The following DUOX1 variants were observed in gnomAD, a reference collection of about 807,000 sequenced individuals.
DUOX1 encodes the protein NADPH thyroid oxidase 1.
In DUOX1, 134 loss-of-function variants were observed where a neutral mutation model predicts 181.8. That is an observed-to-expected ratio of 0.74 (90% CI 0.64 to 0.85). DUOX1 has a LOEUF of 0.85. Among genes scored for constraint, DUOX1 ranks in the 40% least tolerant of loss-of-function variants. DUOX1 has a pLI of 0.00. For synonymous variants in DUOX1, 798 were observed against 832.5 expected (o/e 0.96, Z 0.71); for missense variants, 1,814 against 2,064.4 (o/e 0.88, Z 2.35).
chr15:45,142,789 G>GGAAGGCAGGAAGGAAGGAAGGAAGGA (rs1480496555), intron 15 of DUOX1, among the ~76,000 whole-genome samples: 1 of 139,762 alleles, frequency 7.2e-6, no homozygotes, highest in African/African-American at 2.7e-5. Context: ...GGAAGGAAGG[G>GGAAGGCAGGAAGGAAGGAAGGAAGGA]AGGGAGGAAG....
rs1299096834 is a variant in DUOX1 at position 45,136,591 on chromosome 15, C to T, written c.988C>T (p.Leu330=). Residue 330 remains leucine, a synonymous_variant, in exon 9 of 34, where the codon CTG becomes TTG. Coordinates refer to ENST00000389037, the MANE Select transcript of DUOX1 (RefSeq NM_175940.3). ...SEFVAASEQF[L]STMVPPGVYM... is the part of the protein sequence containing the mutation. The stretch of plus-strand genomic sequence containing the variant: ...GTTCGTGGCGGCCTCTGAGCAGTTC[C>T]TGTCCACCATGGTGCCCCCTGGCGT... The T allele has an allele frequency of 6.2e-7, 1 of 1,614,126 alleles. No homozygotes were observed. The highest frequency in any genetic ancestry group is 8.5e-7 in the Non-Finnish European group (1 of 1,180,042).
At position 45,139,502 on chromosome 15, in the gene DUOX1, G is replaced by T. The variant is rs1896435127; in HGVS notation, c.1292G>T (p.Gly431Val). 1 of 1,613,562 alleles carries T rather than the reference G, an allele frequency of 6.2e-7. No individual in the cohort carries two copies. The highest frequency in any genetic ancestry group is 8.5e-7 in the Non-Finnish European group (1 of 1,179,898). Reference sequence around the variant, plus strand: ...TGCCTGCAGCGGGGCCGGGATCTGGGCCTGCCCTCTTACACCAAGGCCAGG... The same window carrying T: ...TGCCTGCAGCGGGGCCGGGATCTGGTCCTGCCCTCTTACACCAAGGCCAGG... ...ASCLQRGRDL[G>V]LPSYTKARAA... Residue 431 changes from glycine (G) to valine (V), a missense_variant, in exon 12 of 34, where the codon GGC (glycine) becomes GTC (valine). By Grantham distance (109) the Gly-to-Val change is moderately radical. Around this residue, in one of 5 missense-constraint regions of DUOX1, gnomAD observed 1,064 missense variants for 1,152.9 expected, o/e 0.92. Coordinates refer to ENST00000389037, the MANE Select transcript of DUOX1 (RefSeq NM_175940.3).
intron 1 of DUOX1, 47 bp downstream of exon 1, chr15:45,130,145 G>T (rs540222696): frequency 5.2e-4 from 80 of 152,448 alleles, no homozygotes; most frequent in African/African-American, 1.8e-3. Flanking sequence ...TGGGCGCTCC[G>T]GGGGAGGGAG....
At chr15:45,158,631 G>A (rs758420421) in intron 28 of DUOX1, among the ~76,000 whole-genome samples, 30 of 150,140 alleles carry the variant, frequency 2.0e-4, no homozygotes, top group Admixed American at 3.3e-4. Flanking sequence ...GAACCAGGGA[G>A]GTGGAGGTTG....
Position 45,139,450 on chromosome 15 carries a change from T to C in DUOX1, c.1240T>C (p.Phe414Leu). The C allele has an allele frequency of 1.9e-6, 3 of 1,612,430 alleles. No individual in the cohort carries two copies. The highest frequency in any genetic ancestry group is 2.5e-6 in the Non-Finnish European group (3 of 1,179,576). ...VRDFWPGPLKFSRTDHLASCL... is the reference protein window; with the variant it reads ...VRDFWPGPLKLSRTDHLASCL... ...AGATTTCTGGCCTGGGCCACTGAAG[T>C]TTTCCCGCACAGACCACCTGGCCAG... is the stretch of plus-strand genomic sequence containing the variant. Residue 414 changes from phenylalanine (F) to leucine (L), a missense_variant, in exon 12 of 34, where the codon TTT (phenylalanine) becomes CTT (leucine). By Grantham distance (22) the Phe-to-Leu change is conservative. This residue lies in a region of DUOX1 where 1,064 missense variants were observed against 1,152.9 expected (regional missense o/e 0.92). Transcript: ENST00000389037.
intron 22 of DUOX1, 21 bp downstream of exon 22, chr15:45,150,722 G>A: frequency 1.2e-6 from 2 of 1,613,020 alleles, no homozygotes; most frequent in South Asian, 1.1e-5. Flanking sequence ...ATCTGGGAAT[G>A]TCGGGGGGAG....
At chr15:45,139,200 A>T (rs750631604) in intron 11 of DUOX1, 32 bp downstream of exon 11, 14 of 1,613,730 alleles carry the variant, frequency 8.7e-6, no homozygotes, top group Admixed American at 6.7e-5. Context: ...CAGGTTGTGA[A>T]CTCCTGGCCT....
chr15:45,165,064 A>G lies in DUOX1; in HGVS notation c.*163A>G. 1 of 697,858 alleles carries G rather than the reference A, an allele frequency of 1.4e-6. No individual in the cohort carries two copies. 43.2% of individuals were successfully genotyped at this position (697,858 alleles called of 1,614,324 possible). On this transcript the variant is annotated 3_prime_UTR_variant, in exon 34 of 34. Coordinates refer to ENST00000389037, the MANE Select transcript of DUOX1 (RefSeq NM_175940.3). ...TCAGTCACCATGTGTGGGCTCAGGG[A>G]CCCCCAGGACCAGGATGTGTCTCAG...
chr15:45,155,884 G>A lies in DUOX1; in HGVS notation c.3657G>A (p.Arg1219=), dbSNP rs1192226086. 2.5e-6 allele frequency: 4 copies of A among 1,613,998 alleles called. No individual in the cohort carries two copies. The highest frequency in any genetic ancestry group is 3.4e-6 in the Non-Finnish European group (4 of 1,180,022). The change falls in exon 28 of 34, where the codon CGG becomes CGA. Residue 1219 remains arginine, a synonymous_variant. Coordinates refer to ENST00000389037, the MANE Select transcript of DUOX1 (RefSeq NM_175940.3). ...ASHHFRRRSF[R]GFWLTHHLYI... ...ACCACTTCCGCCGCCGCAGTTTCCG[G>A]GGCTTCTGGCTGACCCACCACCTCT...
At position 45,145,043 on chromosome 15, in the gene DUOX1, A is replaced by G. The variant is rs1896613598; in HGVS notation, c.2285A>G (p.His762Arg). 1.2e-6 allele frequency: 2 copies of G among 1,612,018 alleles called. No homozygotes were observed. Among genetic ancestry groups the G allele is most frequent in the African/African-American group, 2.7e-5 (2 of 74,748 alleles). ...GCTGTGACACGGGAGCAGCGGAGGC[A>G]CCTCCTGGAGACCTTTTTCAGGCAC... Reference protein sequence around the residue: ...RAAVTREQRRHLLETFFRHLF... With the variant: ...RAAVTREQRRRLLETFFRHLF... Residue 762 changes from histidine (H) to arginine (R), a missense_variant, in exon 18 of 34, where the codon CAC (histidine) becomes CGC (arginine). By Grantham distance (29) the His-to-Arg change is conservative. Around this residue, in one of 5 missense-constraint regions of DUOX1, gnomAD observed 1,064 missense variants for 1,152.9 expected, o/e 0.92. Coordinates refer to ENST00000389037, the MANE Select transcript of DUOX1 (RefSeq NM_175940.3).
At chr15:45,163,747 A>T (rs1258089713) in intron 32 of DUOX1, 43 bp from the exon 33 acceptor site, 4 of 1,613,494 alleles carry the variant, frequency 2.5e-6, no homozygotes, top group Non-Finnish European at 3.4e-6. Context: ...AATTGACCCT[A>T]GCTGTGCCTG....
Position 45,163,651 on chromosome 15 carries a change from G to C in DUOX1, c.4368G>C (p.Gln1456His). 6.2e-7 allele frequency: 1 copy of C among 1,614,140 alleles called. No homozygotes were observed. The highest frequency in any genetic ancestry group is 8.5e-7 in the Non-Finnish European group (1 of 1,180,018). The stretch of plus-strand genomic sequence containing the variant: ...TGTCTGTGCACATCTACATCACCCA[G>C]CTGGCTGAGAAGTTCGACCTCAGGA... ...DLVSVHIYIT[Q>H]LAEKFDLRTT... Residue 1456 changes from glutamine to histidine, a missense_variant, in exon 32 of 34, where the codon CAG becomes CAC. Physicochemically the swap from Gln to His is conservative, Grantham distance 24. Coordinates refer to ENST00000389037, the MANE Select transcript of DUOX1 (RefSeq NM_175940.3).
At chr15:45,141,481 C>A in intron 14 of DUOX1, 71 bp downstream of exon 14, 1 of 1,484,884 alleles carries the variant, frequency 6.7e-7, no homozygotes, top group Non-Finnish European at 9.4e-7. Context: ...CTGGGCTTGG[C>A]TCAATGTGGC....
intron 28 of DUOX1, among the ~76,000 whole-genome samples, chr15:45,157,594 G>A (rs1040903505): frequency 6.6e-6 from 1 of 152,000 alleles, no homozygotes. Context: ...CGAGGTGGGT[G>A]GATCACCTGA....
At chr15:45,144,378 C>T (rs1329955959) in intron 17 of DUOX1, 143 bp downstream of exon 17, 1 of 854,852 alleles carries the variant, frequency 1.2e-6, no homozygotes, top group African/African-American at 1.7e-5. Flanking sequence ...AGGTGGAGTA[C>T]CTGATAGAGA....
In DUOX1 at chr15:45,151,781, C is replaced by T. The variant is rs1490860933; in HGVS notation, c.3015-93C>T. The T allele has an allele frequency of 2.2e-6, 3 of 1,357,388 alleles. No individual in the cohort carries two copies. The African/African-American group carries it at 4.4e-5, about 20-fold the overall frequency. 84.1% of individuals were successfully genotyped at this position (1,357,388 alleles called of 1,614,324 possible). A position where few individuals can be genotyped will look rare whatever the true frequency, so the allele number is the denominator to read the frequency against. ...TCTTTCTCGGAAGCAGTGGGCTTCC[C>T]TCACTTCTGGGCGGCTCACCTCCGT... On this transcript the variant is annotated intron_variant, in intron 23 of 33. Transcript: ENST00000389037.
chr15:45,164,873 A>T lies in DUOX1; in HGVS notation c.4628A>T (p.His1543Leu). 1 of 1,614,104 alleles carries T rather than the reference A, an allele frequency of 6.2e-7. No homozygotes were observed. Among genetic ancestry groups the T allele is most frequent in the Non-Finnish European group, 8.5e-7 (1 of 1,180,004 alleles). ...CTCATCAACAGGCAGGACCGGACTC[A>T]CTTCTCCCACCATTATGAGAACTTC... Reference protein sequence around the residue: ...CQLINRQDRTHFSHHYENF With the variant: ...CQLINRQDRTLFSHHYENF Residue 1543 changes from histidine (H) to leucine (L), a missense_variant, in exon 34 of 34, where the codon CAC (histidine) becomes CTC (leucine). By Grantham distance (99) the His-to-Leu change is moderately conservative. Transcript: ENST00000389037.
At chr15:45,157,249 G>A (rs557719008) in intron 28 of DUOX1, among the ~76,000 whole-genome samples, 77 of 152,292 alleles carry the variant, frequency 5.1e-4, no homozygotes, top group African/African-American at 1.6e-3. Context: ...CGTTTCCTAA[G>A]AAACATCTCT....
intron 27 of DUOX1, chr15:45,155,433 G>A (rs1422149911): frequency 9.5e-6 from 2 of 210,960 alleles, no homozygotes; most frequent in Non-Finnish European, 1.9e-5. Context: ...GGGCATGATG[G>A]TGCATGCCTT....
Sources: gnomAD v4.1 joint callset for allele counts (sites outside exome capture counted in the v4.1 genomes callset) on GRCh38, gnomAD v4.1.1 for gene constraint, gnomAD v4.1.1 regional missense constraint, MANE v1.5 for transcripts, NCBI Gene and HGNC (gene_info 2026-07-23, HGNC 2026-07-21) for gene names.